NPHP4: variants seen among roughly 807,000 people sequenced by gnomAD.
NPHP4 encodes the protein nephrocystin 4, also known as nephrocystin-4.
NPHP4 carries 151 observed loss-of-function variants against 155.8 expected under a neutral mutation model. The ratio of observed to expected loss-of-function variants is 0.97; its 90% CI spans 0.85 to 1.11. NPHP4 has a LOEUF of 1.11. NPHP4 is among the 50% of genes least tolerant of loss of function. NPHP4 has a pLI of 0.00. For synonymous variants in NPHP4, 845 were observed against 816.8 expected (o/e 1.03, Z -0.59); for missense variants, 1,956 against 1,925.7 (o/e 1.02, Z -0.29).
chr1:5,907,020 C>A, intron 13 of NPHP4, 95 bp downstream of exon 13: 1 of 612,766 alleles, frequency 1.6e-6, no homozygotes, highest in South Asian at 3.3e-5. Context: ...GTCTCTGCCA[C>A]CTAACTAAGG....
At chr1:5,920,036 G>C (rs1447779000) in intron 11 of NPHP4, among the ~76,000 whole-genome samples, 1 of 152,138 alleles carries the variant, frequency 6.6e-6, no homozygotes, top group Non-Finnish European at 1.5e-5. Context: ...AGGTTCAAGA[G>C]ATCTCTTGCC....
Position 5,944,603 on chromosome 1 carries a change from C to T in NPHP4, c.1119+2501G>A, listed in dbSNP as rs1646990522. On this transcript the variant is annotated intron_variant, in intron 9 of 29. Coordinates refer to ENST00000378156, the MANE Select transcript of NPHP4 (RefSeq NM_015102.5). The surrounding 1 kb of genome is among the most constrained non-coding windows in gnomAD (Gnocchi z 4.3). ...GCAACATTTCCATTCCAGATTTCAC[C>T]CAGGAAAGCGCACTTGATGACAGTA... Among the ~76,000 whole-genome samples the T allele has an allele frequency of 6.6e-6, 1 of 152,168 alleles. No individual in the cohort carries two copies. Among genetic ancestry groups the T allele is most frequent in the Admixed American group, 6.5e-5 (1 of 15,282 alleles).
intron 18 of NPHP4, among the ~76,000 whole-genome samples, chr1:5,883,229 G>A (rs1015615807): frequency 6.6e-6 from 1 of 152,184 alleles, no homozygotes; most frequent in Non-Finnish European, 1.5e-5. Flanking sequence ...CTGTGCCAGG[G>A]CCAGAGCTGC....
chr1:5,967,341 G>A lies in NPHP4; in HGVS notation c.475C>T (p.Pro159Ser). The stretch of plus-strand genomic sequence containing the variant: ...AGAAGCGGGTGCAGGAGGGCTCTGG[G>A]GGTGCCATGGTACAGCCGCAACCTG... ...DKRLRLYHGTPRALLHPLLQD... is the reference protein window; with the variant it reads ...DKRLRLYHGTSRALLHPLLQD... The change falls in exon 5 of 30, where the codon CCC (proline) becomes TCC (serine). Residue 159 changes from proline to serine, a missense_variant. Pro to Ser is a moderately conservative substitution (Grantham distance 74). Coordinates refer to ENST00000378156, the MANE Select transcript of NPHP4 (RefSeq NM_015102.5). 1 of 1,607,758 alleles carries A rather than the reference G, an allele frequency of 6.2e-7. No individual in the cohort carries two copies. The highest frequency in any genetic ancestry group is 8.5e-7 in the Non-Finnish European group (1 of 1,177,614).
At position 5,927,799 on chromosome 1, in the gene NPHP4, C is replaced by A; in HGVS notation, c.1303-12G>T. 1 of 1,602,466 alleles carries A rather than the reference C, an allele frequency of 6.2e-7. No individual in the cohort carries two copies. The highest frequency in any genetic ancestry group is 8.5e-7 in the Non-Finnish European group (1 of 1,170,496). ...TCCACCTGCTTCACCTGCAATGGAC[C>A]AGAAGAGCAGTGATGGCCACTCCCT... On this transcript the variant is annotated splice_polypyrimidine_tract_variant and intron_variant, in intron 10 of 29. Coordinates refer to ENST00000378156, the MANE Select transcript of NPHP4 (RefSeq NM_015102.5).
chr1:5,948,024 T>C (rs758150246), intron 8 of NPHP4, 46 bp downstream of exon 8: 54 of 1,447,562 alleles, frequency 3.7e-5, no homozygotes, highest in Non-Finnish European at 5.1e-5. Flanking sequence ...TTCATCGTGA[T>C]CCCTTGCACA....
intron 10 of NPHP4, 22 bp from the exon 11 acceptor site, chr1:5,927,809 G>C (rs375086073): frequency 1.3e-6 from 2 of 1,594,112 alleles, no homozygotes; most frequent in Admixed American, 1.7e-5. Context: ...CAGAAGAGCA[G>C]TGATGGCCAC....
intron 22 of NPHP4, chr1:5,873,810 A>C: frequency 3.7e-6 from 1 of 269,430 alleles, no homozygotes; most frequent in South Asian, 3.7e-5. Flanking sequence ...ACAAGTGCAC[A>C]CCTGCACACA....
Position 5,867,212 on chromosome 1 carries a change from G to T in NPHP4, c.3473-97C>A. The T allele has an allele frequency of 4.5e-6, 4 of 898,338 alleles. No homozygotes were observed. Among genetic ancestry groups the T allele is most frequent in the African/African-American group, 1.7e-5 (1 of 60,366 alleles). The allele number at this position is 898,338 out of a possible 1,614,324, so 55.6% of individuals were successfully genotyped here. Reference sequence around the variant, plus strand: ...ACACACTATAGGACAGGACAGGCTCGTCACAGGTGCTCAGCAAGACACCTG... The same window carrying T: ...ACACACTATAGGACAGGACAGGCTCTTCACAGGTGCTCAGCAAGACACCTG... On this transcript the variant is annotated intron_variant, in intron 24 of 29. Coordinates refer to ENST00000378156, the MANE Select transcript of NPHP4 (RefSeq NM_015102.5). This position sits in a 1 kb window ranked among gnomAD's most constrained non-coding sequence, Gnocchi z 4.1.
intron 19 of NPHP4, chr1:5,879,665 T>TCGGTGGGGC (rs1168021582): frequency 2.0e-6 from 1 of 511,174 alleles, no homozygotes; most frequent in South Asian, 1.4e-5. Context: ...ATGTGGTGGC[T>TCGGTGGGGC]CGGTGGGGCC....
At chr1:5,980,206 C>G (rs932340504) in intron 2 of NPHP4, among the ~76,000 whole-genome samples, 1 of 152,206 alleles carries the variant, frequency 6.6e-6, no homozygotes, top group Admixed American at 6.5e-5. Flanking sequence ...TCCTGACCAA[C>G]CCTGCGCTTC....
intron 11 of NPHP4, among the ~76,000 whole-genome samples, chr1:5,916,178 G>A (rs753077356): frequency 1.3e-5 from 2 of 152,076 alleles, no homozygotes; most frequent in South Asian, 2.1e-4. Flanking sequence ...GCCCTCTAGC[G>A]GCTCAATGCA....
intron 7 of NPHP4, among the ~76,000 whole-genome samples, chr1:5,950,212 A>G (rs11583658): frequency 0.012 from 1,847 of 152,326 alleles, 21 homozygotes; most frequent in South Asian, 0.021. Flanking sequence ...TCAAGTGAAC[A>G]TGAGGGACAC....
At chr1:5,884,121 A>C (rs1281828391) in intron 18 of NPHP4, among the ~76,000 whole-genome samples, 3 of 152,202 alleles carry the variant, frequency 2.0e-5, no homozygotes, top group Admixed American at 6.5e-5. Flanking sequence ...CACAACTTGG[A>C]TGTTAAATTA....
intron 1 of NPHP4, among the ~76,000 whole-genome samples, chr1:5,991,904 G>A (rs1470903888): frequency 1.4e-5 from 2 of 141,138 alleles, no homozygotes; most frequent in Non-Finnish European, 3.1e-5. Context: ...CCCTTCAGCC[G>A]AGGGGCTGCA....
chr1:5,951,322 G>A (rs191111713), intron 7 of NPHP4, among the ~76,000 whole-genome samples: 48 of 152,354 alleles, frequency 3.2e-4, no homozygotes, highest in Admixed American at 2.7e-3. Context: ...AAGAGGACTC[G>A]ACGCAACAGC....
At chr1:5,894,248 T>C (rs2100976060) in intron 16 of NPHP4, among the ~76,000 whole-genome samples, 1 of 152,110 alleles carries the variant, frequency 6.6e-6, no homozygotes, top group South Asian at 2.1e-4. Context: ...AAACTAGAAA[T>C]TAATATGCCA....
intron 2 of NPHP4, among the ~76,000 whole-genome samples, chr1:5,981,078 C>T (rs926230070): frequency 1.3e-5 from 2 of 152,220 alleles, no homozygotes; most frequent in African/African-American, 2.4e-5. Context: ...CTGTTCCCTG[C>T]TCTGTCCCTG....
rs528698579 is a variant in NPHP4, at chr1:5,967,152, C to T, written c.517+147G>A. ...ACTTTCTGCCAAAAGTCCAAGGCCA[C>T]GAAACATCTGCCAAAACCTCTTAGA... On this transcript the variant is annotated intron_variant, in intron 5 of 29. Coordinates refer to ENST00000378156, the MANE Select transcript of NPHP4 (RefSeq NM_015102.5). The T allele has an allele frequency of 1.2e-3, 773 of 665,004 alleles. 2 individuals carry two copies. The highest frequency in any genetic ancestry group is 1.7e-3 in the Non-Finnish European group (670 of 386,288). The allele number at this position is 665,004 out of a possible 1,614,324, so 41.2% of individuals were successfully genotyped here.
Sources: gnomAD v4.1 joint callset for allele counts (sites outside exome capture counted in the v4.1 genomes callset) on GRCh38, gnomAD v4.1.1 for gene constraint, Gnocchi (gnomAD v3.1) non-coding constraint, MANE v1.5 for transcripts, NCBI Gene and HGNC (gene_info 2026-07-23, HGNC 2026-07-21) for gene names.